Variants in OPRM1 observed in about 807,000 individuals in gnomAD.
The protein encoded by OPRM1 is mu-type opioid receptor.
OPRM1 carries 27 observed loss-of-function variants against 31.8 expected under a neutral mutation model. That is an observed-to-expected ratio of 0.85 (90% CI 0.63 to 1.17). OPRM1 has a LOEUF of 1.17. Ranked by LOEUF, OPRM1 falls within the 50% of genes most tolerant of loss-of-function variation. The probability of loss-of-function intolerance (pLI) is 0.00; values close to 1 mark genes in which losing one functional copy is unlikely to be tolerated. For missense variants in OPRM1, 536 were observed against 511.1 expected (o/e 1.05, Z -0.47); for synonymous variants, 196 against 189.9 (o/e 1.03, Z -0.26).
At position 154,091,042 on chromosome 6, in the gene OPRM1, T is replaced by C. The variant is rs199622079; in HGVS notation, c.734T>C (p.Met245Thr). 1.3e-5 allele frequency: 21 copies of C among 1,614,250 alleles called. No individual in the cohort carries two copies. Among genetic ancestry groups the C allele is most frequent in the Non-Finnish European group, 1.7e-5 (20 of 1,180,036 alleles). The change falls in exon 3 of 4, where the codon ATG becomes ACG. Residue 245 changes from methionine (M) to threonine (T), a missense_variant. Physicochemically the swap from Met to Thr is moderately conservative, Grantham distance 81. Transcript: ENST00000330432. The stretch of plus-strand genomic sequence containing the variant: ...TGTGTTTTCATCTTCGCCTTCATTA[T>C]GCCAGTGCTCATCATTACCGTGTGC... ...KICVFIFAFI[M>T]PVLIITVCYG...
At chr6:154,246,608 A>G in intron 3 of OPRM1, 1 of 1,613,678 alleles carries the variant, frequency 6.2e-7, no homozygotes, top group Non-Finnish European at 8.5e-7. Flanking sequence ...TTGCTATACC[A>G]GTACAGTGAC....
At chr6:154,029,818 G>T (rs76240268) in intron 1 of OPRM1, among the ~76,000 whole-genome samples, 4,384 of 152,174 alleles carry the variant, frequency 0.029, 202 homozygotes, top group African/African-American at 0.1. Context: ...TTATAGGAGG[G>T]TTTTTCCCCC....
chr6:154,182,621 T>C (rs1800983798), intron 3 of OPRM1, among the ~76,000 whole-genome samples: 1 of 152,212 alleles, frequency 6.6e-6, no homozygotes, highest in Admixed American at 6.5e-5. Flanking sequence ...AAAAAAGATA[T>C]TTGATCGCCT....
chr6:154,068,009 T>G (rs1785824755), intron 1 of OPRM1, among the ~76,000 whole-genome samples: 1 of 152,156 alleles, frequency 6.6e-6, no homozygotes, highest in Non-Finnish European at 1.5e-5. Flanking sequence ...TCTGCATGAC[T>G]TTGGATATTG....
chr6:154,082,409 TACTAAG>T (rs1327298235), intron 1 of OPRM1, among the ~76,000 whole-genome samples: 2 of 152,218 alleles, frequency 1.3e-5, no homozygotes, highest in African/African-American at 4.8e-5. Context: ...ATATTTGTTG[TACTAAG>T]CGCAGTAAAA....
chr6:154,191,779 TA>T (rs1305578021), intron 3 of OPRM1, among the ~76,000 whole-genome samples: 1 of 152,164 alleles, frequency 6.6e-6, no homozygotes, highest in Non-Finnish European at 1.5e-5. Context: ...TTGCCAGTTG[TA>T]ACAAATGAAC....
chr6:154,157,877 C>G (rs1187583378), intron 3 of OPRM1: 1 of 152,184 alleles, frequency 6.6e-6, no homozygotes, highest in Non-Finnish European at 1.5e-5. Context: ...TTTCCTAAAC[C>G]AGGGCATCAG....
chr6:154,230,214 A>G (rs1330424731), intron 3 of OPRM1, among the ~76,000 whole-genome samples: 1 of 152,230 alleles, frequency 6.6e-6, no homozygotes, highest in Non-Finnish European at 1.5e-5. Context: ...GATACATAAA[A>G]TGTACCTTAA....
At chr6:154,040,473 C>T (rs886556574) in intron 1 of OPRM1, among the ~76,000 whole-genome samples, 1 of 152,186 alleles carries the variant, frequency 6.6e-6, no homozygotes, top group Non-Finnish European at 1.5e-5. Context: ...CCTAGCATCT[C>T]TCCATGACAG....
intron 1 of OPRM1, among the ~76,000 whole-genome samples, chr6:154,066,628 C>G (rs1332071041): frequency 6.6e-6 from 1 of 151,614 alleles, no homozygotes; most frequent in African/African-American, 2.4e-5. Flanking sequence ...TGATGGGGTA[C>G]TAATGAGGTT....
chr6:154,074,296 G>A (rs1445134182), intron 1 of OPRM1: 1 of 152,234 alleles, frequency 6.6e-6, no homozygotes, highest in African/African-American at 2.4e-5. Flanking sequence ...TTTAGCATTA[G>A]TAAAGCACTC....
chr6:154,138,747 C>G (rs1798125207), intron 3 of OPRM1, among the ~76,000 whole-genome samples: 1 of 152,194 alleles, frequency 6.6e-6, no homozygotes, highest in African/African-American at 2.4e-5. Flanking sequence ...CAAAACAAAC[C>G]TCCTTCTTGC....
chr6:154,159,679 T>A, intron 3 of OPRM1: 1 of 655,786 alleles, frequency 1.5e-6, no homozygotes, highest in Non-Finnish European at 2.7e-6. Context: ...ATTCGGTGAT[T>A]ATCTTCATCT....
intron 1 of OPRM1, among the ~76,000 whole-genome samples, chr6:154,075,337 G>A (rs17275521): frequency 0.14 from 21,521 of 152,050 alleles, 1,600 homozygotes; most frequent in Non-Finnish European, 0.17. Flanking sequence ...GTGAGCAATA[G>A]GAATGAGACA....
At chr6:154,064,688 A>G (rs1785027214) in intron 1 of OPRM1, among the ~76,000 whole-genome samples, 1 of 152,144 alleles carries the variant, frequency 6.6e-6, no homozygotes, top group Admixed American at 6.5e-5. Flanking sequence ...TAAGGTGCCA[A>G]AGTTATTCTC....
chr6:154,069,935 C>A (rs1358573589), intron 1 of OPRM1, among the ~76,000 whole-genome samples: 4 of 151,954 alleles, frequency 2.6e-5, no homozygotes, highest in African/African-American at 4.8e-5. Flanking sequence ...TGTCTGACCC[C>A]CAAAAAAGGA....
At chr6:154,237,534 T>C (rs186184304) in intron 3 of OPRM1, among the ~76,000 whole-genome samples, 2 of 152,308 alleles carry the variant, frequency 1.3e-5, no homozygotes, top group Admixed American at 1.3e-4. Context: ...ATACATTCCT[T>C]TGATTTTTTA....
At chr6:154,105,652 CACAGAATTTTACACA>C (rs1414906726) in intron 3 of OPRM1, among the ~76,000 whole-genome samples, 1 of 152,160 alleles carries the variant, frequency 6.6e-6, no homozygotes, top group Non-Finnish European at 1.5e-5. Flanking sequence ...TTCTGTGGCA[CACAGAATTTTACACA>C]ACAGTTATAA....
intron 3 of OPRM1, among the ~76,000 whole-genome samples, chr6:154,104,843 C>A (rs192378464): frequency 6.6e-6 from 1 of 152,314 alleles, no homozygotes; most frequent in Admixed American, 6.5e-5. Context: ...CAAGCCCAGC[C>A]ATGGGTTTGT....
Sources: gnomAD v4.1 joint callset for allele counts (sites outside exome capture counted in the v4.1 genomes callset) on GRCh38, gnomAD v4.1.1 for gene constraint, MANE v1.5 for transcripts, NCBI Gene and HGNC (gene_info 2026-07-23, HGNC 2026-07-21) for gene names.